Variants in TCERG1 observed in about 807,000 individuals in gnomAD.
TCERG1 encodes the protein transcription elongation regulator 1.
In TCERG1, 37 loss-of-function variants were observed where a neutral mutation model predicts 144.7. That is an observed-to-expected ratio of 0.26 (90% CI 0.20 to 0.34). TCERG1 has a LOEUF of 0.34. Among genes scored for constraint, TCERG1 ranks in the 10% least tolerant of loss-of-function variants. The probability of loss-of-function intolerance (pLI) is 1.00; values close to 1 mark genes in which losing one functional copy is unlikely to be tolerated. For synonymous variants in TCERG1, 492 were observed against 458.2 expected, an observed-to-expected ratio of 1.07 and a Z score of -0.94; for missense variants, 1,027 against 1,380.7, an observed-to-expected ratio of 0.74 and a Z score of 4.06.
rs1272537994 is a variant in TCERG1, at chr5:146,478,521, G to T, written c.1630G>T (p.Val544Phe). ...TGTCGTTTGGACTGGTGATGAGCGG[G>T]TCTTCTTTTATAATCCCACCACTCG... ...WCVVWTGDER[V>F]FFYNPTTRLS... is the part of the protein sequence containing the mutation. Residue 544 changes from valine to phenylalanine, a missense_variant, in exon 10 of 23, where the codon GTC (valine) becomes TTC (phenylalanine). Coordinates refer to ENST00000679501, the MANE Select transcript of TCERG1 (RefSeq NM_001382548.1). 1 of 1,607,342 alleles carries T rather than the reference G, an allele frequency of 6.2e-7. No individual in the cohort carries two copies.
intron 5 of TCERG1, among the ~76,000 whole-genome samples, chr5:146,468,138 A>G (rs1763955670): frequency 6.6e-6 from 1 of 152,148 alleles, no homozygotes; most frequent in Non-Finnish European, 1.5e-5. Context: ...AAGGTAATTG[A>G]TGGTATCATT....
intron 1 of TCERG1, among the ~76,000 whole-genome samples, chr5:146,451,554 C>T (rs1453672606): frequency 6.6e-6 from 1 of 150,994 alleles, no homozygotes; most frequent in African/African-American, 2.4e-5. Flanking sequence ...AATTTCTGAC[C>T]TCAGGTGATC....
At chr5:146,479,962 A>G (rs761550635) in intron 11 of TCERG1, 51 bp downstream of exon 11, 4 of 1,607,274 alleles carry the variant, frequency 2.5e-6, no homozygotes, top group South Asian at 1.1e-5. Flanking sequence ...TATTAAAGCA[A>G]GTGTTCTGGT....
At chr5:146,469,520 A>C in intron 6 of TCERG1, 24 bp from the exon 7 acceptor site, 1 of 1,557,434 alleles carries the variant, frequency 6.4e-7, no homozygotes, top group Non-Finnish European at 8.7e-7. Context: ...ACTTGGATCT[A>C]ATTTTTTATT....
intron 18 of TCERG1, 99 bp downstream of exon 18, chr5:146,503,638 G>T: frequency 6.9e-7 from 1 of 1,456,666 alleles, no homozygotes; most frequent in South Asian, 1.4e-5. Context: ...TGGGGGTTTG[G>T]ATTTTTTCTT....
In TCERG1 at chr5:146,496,315, G is replaced by A. The variant is rs546215671; in HGVS notation, c.2283-2221G>A. ...TTCCATCAAATTTGGGAAGTTTTTG[G>A]CTAGTATTTTTTCTGCCCTAATTCA... On this transcript the variant is annotated intron_variant, in intron 16 of 22. Transcript: ENST00000679501. Among the ~76,000 whole-genome samples, 12 of 152,068 alleles carry A rather than the reference G, an allele frequency of 7.9e-5. 1 individual carries two copies. In the South Asian group the frequency reaches 2.5e-3, roughly 32 times the overall value.
intron 1 of TCERG1, among the ~76,000 whole-genome samples, chr5:146,453,271 C>T (rs951754153): frequency 1.3e-5 from 2 of 152,004 alleles, no homozygotes; most frequent in African/African-American, 4.8e-5. Flanking sequence ...GCCAAGTGAC[C>T]CCCCTGCCCC....
chr5:146,459,172 G>A lies in TCERG1; in HGVS notation c.727G>A (p.Val243Ile), dbSNP rs1763125245. The A allele has an allele frequency of 2.5e-6, 4 of 1,613,200 alleles. No individual in the cohort carries two copies. The highest frequency in any genetic ancestry group is 3.4e-6 in the Non-Finnish European group (4 of 1,179,464). Residue 243 changes from valine to isoleucine, a missense_variant, in exon 4 of 23, where the codon GTC becomes ATC. Coordinates refer to ENST00000679501, the MANE Select transcript of TCERG1 (RefSeq NM_001382548.1). ...AQAQAQAQAQ[V>I]QAQVQAQVQA... Reference sequence around the variant, plus strand: ...AGCTCAGGCCCAGGCCCAGGCTCAGGTCCAGGCCCAGGTCCAGGCACAAGT... The same window carrying A: ...AGCTCAGGCCCAGGCCCAGGCTCAGATCCAGGCCCAGGTCCAGGCACAAGT...
rs1768425260 is a variant in TCERG1 at position 146,511,069 on chromosome 5, A to T, written c.*427A>T. 6.5e-6 allele frequency: 1 copy of T among 153,216 alleles called. No homozygotes were observed. The highest frequency in any genetic ancestry group is 1.5e-5 in the Non-Finnish European group (1 of 68,500). The allele number at this position is 153,216 out of a possible 1,614,324, so 9.5% of individuals were successfully genotyped here. On this transcript the variant is annotated 3_prime_UTR_variant, in exon 23 of 23. Transcript: ENST00000679501. ...TGATTTTTTTTTTTTAAAGCGGGTA[A>T]AAGAGAAAACACTGAAAATTGAATT...
intron 16 of TCERG1, among the ~76,000 whole-genome samples, chr5:146,497,959 C>T (rs562441989): frequency 6.6e-6 from 1 of 152,168 alleles, no homozygotes; most frequent in Non-Finnish European, 1.5e-5. Flanking sequence ...TCTTGGGTAC[C>T]CTCTCTTTGT....
chr5:146,484,188 A>G (rs529428748), intron 15 of TCERG1, among the ~76,000 whole-genome samples: 1 of 152,272 alleles, frequency 6.6e-6, no homozygotes, highest in South Asian at 2.1e-4. Flanking sequence ...TCTAAGTAGC[A>G]TCTGTTAAAA....
intron 3 of TCERG1, among the ~76,000 whole-genome samples, chr5:146,458,370 G>T (rs1286161612): frequency 6.6e-6 from 1 of 151,828 alleles, no homozygotes; most frequent in Non-Finnish European, 1.5e-5. Context: ...TAGAGACAGG[G>T]TTTTACCATG....
intron 17 of TCERG1, among the ~76,000 whole-genome samples, chr5:146,500,499 C>T (rs1378547797): frequency 3.9e-5 from 6 of 152,136 alleles, no homozygotes; most frequent in African/African-American, 1.4e-4. Flanking sequence ...TTGTAATTCT[C>T]CAGCTGGTCT....
In TCERG1 at chr5:146,463,548, C is replaced by T. The variant is rs1168683175; in HGVS notation, c.893-3C>T. ...TACATGTTTTTGTTTTATCTTTTAT[C>T]AGCACCCACAACACAAGATCAGACC... On this transcript the variant is annotated splice_region_variant and splice_polypyrimidine_tract_variant and intron_variant, in intron 4 of 22. Coordinates refer to ENST00000679501, the MANE Select transcript of TCERG1 (RefSeq NM_001382548.1). The T allele has an allele frequency of 6.2e-6, 10 of 1,613,830 alleles. No homozygotes were observed. In the African/African-American group the frequency reaches 1.3e-4, roughly 22 times the overall value.
At chr5:146,501,685 C>T (rs1162170636) in intron 17 of TCERG1, among the ~76,000 whole-genome samples, 2 of 152,090 alleles carry the variant, frequency 1.3e-5, no homozygotes, top group African/African-American at 4.8e-5. Flanking sequence ...ATTTAAGTTA[C>T]ATCACTACAT....
chr5:146,479,657 G>A (rs992329520), intron 10 of TCERG1, among the ~76,000 whole-genome samples, 198 bp from the exon 11 acceptor site: 2 of 152,088 alleles, frequency 1.3e-5, no homozygotes, highest in East Asian at 3.8e-4. Context: ...GTTTGGGCAA[G>A]AAACATTTCA....
intron 5 of TCERG1, among the ~76,000 whole-genome samples, chr5:146,464,301 C>T (rs1040884822): frequency 6.6e-6 from 1 of 152,114 alleles, no homozygotes; most frequent in African/African-American, 2.4e-5. Context: ...GAGATTTGAG[C>T]CTGTGCCCTC....
intron 5 of TCERG1, among the ~76,000 whole-genome samples, chr5:146,467,072 C>T (rs377755461): frequency 7.6e-4 from 116 of 152,238 alleles, no homozygotes; most frequent in African/African-American, 2.7e-3. Flanking sequence ...CTTTATTCAA[C>T]ATGCTTTCAT....
At chr5:146,471,018 A>G (rs1243153834) in intron 8 of TCERG1, among the ~76,000 whole-genome samples, 2 of 152,216 alleles carry the variant, frequency 1.3e-5, no homozygotes, top group Non-Finnish European at 2.9e-5. Context: ...ACTGAGTGGT[A>G]TTTGTTAAAA....
Sources: allele counts gnomAD v4.1 joint callset (sites outside exome capture counted in the v4.1 genomes callset), GRCh38; gene constraint gnomAD v4.1.1; transcripts MANE v1.5; gene names NCBI Gene and HGNC (gene_info 2026-07-23, HGNC 2026-07-21).